EPB41L4A: variants seen among roughly 807,000 people sequenced by gnomAD.
EPB41L4A encodes erythrocyte membrane protein band 4.1 like 4A, also known as band 4.1-like protein 4A.
Under a neutral mutation model 108.6 loss-of-function variants are expected in EPB41L4A, and 100 were observed. The observed-to-expected ratio is 0.92, with a 90% CI of 0.78 to 1.09. The LOEUF (loss-of-function observed/expected upper bound fraction) is 1.09. Ranked by LOEUF, EPB41L4A falls within the 50% of genes least tolerant of loss-of-function variation. EPB41L4A has a pLI of 0.00. For synonymous variants in EPB41L4A, 319 were observed against 289.0 expected (o/e 1.10, Z -1.05); for missense variants, 1,030 against 842.7 (o/e 1.22, Z -2.75).
rs368335764 is a variant in EPB41L4A at position 112,400,350 on chromosome 5, C to T, written c.99+18591G>A. On this transcript the variant is annotated intron_variant, in intron 1 of 22. Coordinates refer to ENST00000261486, the MANE Select transcript of EPB41L4A (RefSeq NM_022140.5). ...GGATTACAATTCGAGGTGAGATTTG[C>T]GTAGGGACACAGAGCCAAACCATAT... Among the ~76,000 whole-genome samples, 14 of 152,186 alleles carry T rather than the reference C, an allele frequency of 9.2e-5. No homozygotes were observed. The East Asian group carries it at 2.5e-3, about 27-fold the overall frequency.
At chr5:112,213,197 G>A (rs1280414366) in intron 12 of EPB41L4A, among the ~76,000 whole-genome samples, 1 of 152,102 alleles carries the variant, frequency 6.6e-6, no homozygotes, top group Non-Finnish European at 1.5e-5. Flanking sequence ...TTGTTCTACT[G>A]TCAGGACTAA....
At chr5:112,345,956 T>C (rs1210332100) in intron 1 of EPB41L4A, among the ~76,000 whole-genome samples, 1 of 151,996 alleles carries the variant, frequency 6.6e-6, no homozygotes, top group Non-Finnish European at 1.5e-5. Context: ...ATTTTTAAAA[T>C]AGTGAGTTGA....
chr5:112,350,034 T>A (rs1757942370), intron 1 of EPB41L4A, among the ~76,000 whole-genome samples: 1 of 152,208 alleles, frequency 6.6e-6, no homozygotes, highest in Non-Finnish European at 1.5e-5. Context: ...ACTGTTGCCA[T>A]GACAGAAATA....
At chr5:112,401,839 G>A (rs184814819) in intron 1 of EPB41L4A, among the ~76,000 whole-genome samples, 1 of 152,292 alleles carries the variant, frequency 6.6e-6, no homozygotes, top group Non-Finnish European at 1.5e-5. Flanking sequence ...AATTTTTACT[G>A]ATCATTTTTG....
intron 12 of EPB41L4A, among the ~76,000 whole-genome samples, chr5:112,218,355 G>A (rs1029680508): frequency 4.6e-5 from 7 of 152,170 alleles, no homozygotes; most frequent in Non-Finnish European, 1.0e-4. Flanking sequence ...GAGGTGTCAC[G>A]AGTCACTTGG....
chr5:112,160,515 C>A (rs182841731), downstream of EPB41L4A: 5 of 152,532 alleles, frequency 3.3e-5, no homozygotes, highest in Admixed American at 3.3e-4. Flanking sequence ...CTCAGCTGGA[C>A]TCATGAATTC....
chr5:112,235,477 A>C (rs1749263451), intron 11 of EPB41L4A, among the ~76,000 whole-genome samples: 1 of 152,198 alleles, frequency 6.6e-6, no homozygotes, highest in African/African-American at 2.4e-5. Flanking sequence ...CCTGGCTTTC[A>C]TGCAGGTAAA....
At chr5:112,169,617 A>G (rs1056665561) in intron 20 of EPB41L4A, among the ~76,000 whole-genome samples, 1 of 152,252 alleles carries the variant, frequency 6.6e-6, no homozygotes, top group African/African-American at 2.4e-5. Flanking sequence ...GTATACATAT[A>G]TCAAAACATC....
At chr5:112,330,211 A>T (rs1756469554) in intron 1 of EPB41L4A, among the ~76,000 whole-genome samples, 2 of 151,926 alleles carry the variant, frequency 1.3e-5, no homozygotes, top group East Asian at 3.9e-4. Flanking sequence ...TTTCCTGTAG[A>T]GAGTGACATG....
chr5:112,167,893 CG>C (rs1760347541), intron 22 of EPB41L4A, among the ~76,000 whole-genome samples: 1 of 152,200 alleles, frequency 6.6e-6, no homozygotes, highest in African/African-American at 2.4e-5. Context: ...AGGCTTCTTA[CG>C]TGGTCCAAAA....
chr5:112,244,730 G>C (rs996174057), intron 9 of EPB41L4A, among the ~76,000 whole-genome samples: 22 of 152,234 alleles, frequency 1.4e-4, no homozygotes, highest in African/African-American at 5.3e-4. Flanking sequence ...GGCAGAGAAG[G>C]GAAGATGGAC....
intron 12 of EPB41L4A, among the ~76,000 whole-genome samples, chr5:112,227,114 C>A (rs547655596): frequency 1.3e-5 from 2 of 152,056 alleles, no homozygotes; most frequent in Non-Finnish European, 2.9e-5. Flanking sequence ...TGTAGGCAGG[C>A]AGGACAGAAG....
At chr5:112,256,819 C>T (rs1039778616) in intron 9 of EPB41L4A, 1 of 152,060 alleles carries the variant, frequency 6.6e-6, no homozygotes, top group East Asian at 1.9e-4. Context: ...TTCATGACCT[C>T]TGAGTTTTAG....
chr5:112,265,216 G>C (rs953541847), intron 5 of EPB41L4A, among the ~76,000 whole-genome samples, 200 bp from the exon 6 acceptor site: 38 of 152,134 alleles, frequency 2.5e-4, no homozygotes, highest in Admixed American at 1.3e-4. Context: ...CTTAAAAACA[G>C]AAGTTCTTTA....
chr5:112,311,550 A>G (rs76228430), intron 1 of EPB41L4A, among the ~76,000 whole-genome samples: 4,196 of 152,190 alleles, frequency 0.028, 126 homozygotes, highest in East Asian at 0.16. Context: ...CCATCACTAC[A>G]ACCTTTCGTA....
chr5:112,353,117 G>A (rs1302584369), intron 1 of EPB41L4A, among the ~76,000 whole-genome samples: 1 of 152,208 alleles, frequency 6.6e-6, no homozygotes, highest in Non-Finnish European at 1.5e-5. Flanking sequence ...TGATTCCTCA[G>A]TGGCTTAGGC....
intron 1 of EPB41L4A, among the ~76,000 whole-genome samples, chr5:112,409,139 A>G (rs541171893): frequency 6.6e-6 from 1 of 152,358 alleles, no homozygotes; most frequent in Admixed American, 6.5e-5. Context: ...ACAATGGAAT[A>G]TTATTCAGCA....
chr5:112,234,212 TAAATA>T (rs1024709734), intron 12 of EPB41L4A, among the ~76,000 whole-genome samples: 4 of 135,016 alleles, frequency 3.0e-5, no homozygotes, highest in East Asian at 2.0e-4. Context: ...AAATAAAATA[TAAATA>T]AAATAAAATA....
At chr5:112,252,799 C>A (rs921156284) in intron 9 of EPB41L4A, among the ~76,000 whole-genome samples, 1 of 151,748 alleles carries the variant, frequency 6.6e-6, no homozygotes, top group Admixed American at 6.6e-5. Context: ...CACAATATAC[C>A]CATGTAACAA....
Sources: allele counts gnomAD v4.1 joint callset (sites outside exome capture counted in the v4.1 genomes callset), GRCh38; gene constraint gnomAD v4.1.1; transcripts MANE v1.5; gene names NCBI Gene and HGNC (gene_info 2026-07-23, HGNC 2026-07-21).